The following TMEM97 variants were observed in gnomAD, a reference collection of about 807,000 sequenced individuals.
TMEM97 encodes the protein sigma intracellular receptor 2.
In TMEM97, 13 loss-of-function variants were observed where a neutral mutation model predicts 18.3. The observed-to-expected ratio is 0.71, with a 90% CI of 0.46 to 1.13. The LOEUF is 1.13. TMEM97 is among the 50% of genes most tolerant of loss of function. The pLI, the probability that TMEM97 is intolerant of heterozygous loss-of-function variation, is 0.00. For missense variants in TMEM97, 205 were observed against 210.5 expected (o/e 0.97, Z 0.16); for synonymous variants, 76 against 85.3 (o/e 0.89, Z 0.60).
chr17:28,322,519 C>T (rs1906186390), intron 1 of TMEM97, among the ~76,000 whole-genome samples: 1 of 152,156 alleles, frequency 6.6e-6, no homozygotes, highest in Admixed American at 6.5e-5. Flanking sequence ...GCTGGGATTA[C>T]AGGTGTGAAC....
chr17:28,319,461 C>T, intron 1 of TMEM97, 96 bp downstream of exon 1: 2 of 1,396,414 alleles, frequency 1.4e-6, no homozygotes, highest in Non-Finnish European at 1.9e-6. Context: ...CTCTGGGTTC[C>T]AGTTGCCTCT....
chr17:28,326,482 C>CT, intron 2 of TMEM97, 52 bp from the exon 3 acceptor site: 3 of 1,576,586 alleles, frequency 1.9e-6, no homozygotes, highest in Non-Finnish European at 8.6e-7. Context: ...TCATGGACAC[C>CT]TTTGAGTCAT....
rs1405407605 is a variant in TMEM97 at position 28,326,843 on chromosome 17, G to C, written c.*50G>C. On this transcript the variant is annotated 3_prime_UTR_variant, in exon 3 of 3. Transcript: ENST00000226230. ...AGAGATGCCTACAGGGTGGTTGCTTGTTGGATACAATACAAGGAACACTGC... is the reference window on the plus strand; with the variant it reads ...AGAGATGCCTACAGGGTGGTTGCTTCTTGGATACAATACAAGGAACACTGC... The C allele has an allele frequency of 1.3e-6, 2 of 1,574,822 alleles. No homozygotes were observed. The highest frequency in any genetic ancestry group is 1.8e-5 in the Admixed American group (1 of 54,250).
chr17:28,321,433 T>C (rs1289004641), intron 1 of TMEM97, among the ~76,000 whole-genome samples: 2 of 152,218 alleles, frequency 1.3e-5, no homozygotes, highest in Non-Finnish European at 2.9e-5. Context: ...TTACATTTGA[T>C]AAAATTTTCT....
intron 1 of TMEM97, chr17:28,324,699 G>A (rs543182740): frequency 6.6e-6 from 1 of 152,282 alleles, no homozygotes; most frequent in Admixed American, 6.5e-5. Flanking sequence ...GGTCAGCATG[G>A]ATCCGCATCC....
intron 1 of TMEM97, among the ~76,000 whole-genome samples, chr17:28,321,800 C>CTCTGTG (rs1555574918): frequency 1.5e-5 from 2 of 132,208 alleles, no homozygotes; most frequent in African/African-American, 2.9e-5. Flanking sequence ...TGGCCAGAAC[C>CTCTGTG]TGTGTGTGTG....
chr17:28,320,320 T>TAG (rs1906093857), intron 1 of TMEM97, among the ~76,000 whole-genome samples: 1 of 152,186 alleles, frequency 6.6e-6, no homozygotes, highest in Admixed American at 6.5e-5. Context: ...AAGGAGAATA[T>TAG]AGCTTCCATC....
chr17:28,325,703 T>C lies in TMEM97; in HGVS notation c.271+56T>C, dbSNP rs1043879063. The C allele has an allele frequency of 2.5e-6, 4 of 1,609,120 alleles. No homozygotes were observed. The African/African-American group carries it at 5.4e-5, about 22-fold the overall frequency. On this transcript the variant is annotated intron_variant, in intron 2 of 2. Coordinates refer to ENST00000226230, the MANE Select transcript of TMEM97 (RefSeq NM_014573.3). ...ACTCAGAAATCAGGTCCCAGAAATC[T>C]TTTGGGAAAGTATCTCCAAAGGGAA...
At chr17:28,322,323 C>T (rs1317204163) in intron 1 of TMEM97, among the ~76,000 whole-genome samples, 2 of 151,762 alleles carry the variant, frequency 1.3e-5, no homozygotes, top group Non-Finnish European at 2.9e-5. Context: ...CGGCTCACTG[C>T]AACCTCTGCC....
rs1451770570 is a variant in TMEM97 at position 28,327,224 on chromosome 17, G to A, written c.*431G>A. The A allele has an allele frequency of 5.3e-6, 1 of 188,208 alleles. No individual in the cohort carries two copies. The highest frequency in any genetic ancestry group is 2.4e-5 in the African/African-American group (1 of 42,456). 11.7% of individuals were successfully genotyped at this position (188,208 alleles called of 1,614,324 possible). A position where few individuals can be genotyped will look rare whatever the true frequency, so the allele number is the denominator to read the frequency against. On this transcript the variant is annotated 3_prime_UTR_variant, in exon 3 of 3. Transcript: ENST00000226230. ...AGGCTCAAGTGATCTGCCCACCTCA[G>A]TCTCCCTAAGTGCTGGGATTACAGA...
rs1366618507 is a variant in TMEM97 at position 28,325,489 on chromosome 17, GTT to G, written c.127-11_127-10del. On this transcript the variant is annotated splice_polypyrimidine_tract_variant and intron_variant, in intron 1 of 2. Coordinates refer to ENST00000226230, the MANE Select transcript of TMEM97 (RefSeq NM_014573.3). ...CAAGTGGCTGTAATTCATCATGATC[GTT>G]TTCTTTTTCAGTTTAGAAACCTGCT... 2 of 1,611,882 alleles carry G rather than the reference GTT, an allele frequency of 1.2e-6. No individual in the cohort carries two copies. The highest frequency in any genetic ancestry group is 2.7e-5 in the African/African-American group (2 of 74,694).
rs1234516213 is a variant in TMEM97 at position 28,327,175 on chromosome 17, T to C, written c.*382T>C. On this transcript the variant is annotated 3_prime_UTR_variant, in exon 3 of 3. Coordinates refer to ENST00000226230, the MANE Select transcript of TMEM97 (RefSeq NM_014573.3). The stretch of plus-strand genomic sequence containing the variant: ...GTGTGGAGACAGGGTTTTGCCATGT[T>C]GCCCAGGTTGGTCTCGAACGCCTAG... The C allele has an allele frequency of 2.1e-4, 45 of 212,934 alleles. No individual in the cohort carries two copies. Among genetic ancestry groups the C allele is most frequent in the African/African-American group, 8.9e-4 (39 of 43,650 alleles). 13.2% of individuals were successfully genotyped at this position (212,934 alleles called of 1,614,324 possible). A position where few individuals can be genotyped will look rare whatever the true frequency, so the allele number is the denominator to read the frequency against.
intron 1 of TMEM97, among the ~76,000 whole-genome samples, chr17:28,320,262 A>G (rs1906092065): frequency 6.6e-6 from 1 of 152,178 alleles, no homozygotes; most frequent in African/African-American, 2.4e-5. Context: ...CCTGAGGGTC[A>G]TGAACTCCCA....
intron 2 of TMEM97, 111 bp from the exon 3 acceptor site, chr17:28,326,423 C>A: frequency 7.4e-7 from 1 of 1,356,136 alleles, no homozygotes; most frequent in Non-Finnish European, 1.0e-6. Flanking sequence ...CGAGTTTCCA[C>A]TTGGAGAAGG....
rs1906386294 is a variant in TMEM97, at chr17:28,327,128, A to G, written c.*335A>G. 2 of 236,600 alleles carry G rather than the reference A, an allele frequency of 8.5e-6. No individual in the cohort carries two copies. The highest frequency in any genetic ancestry group is 4.5e-5 in the African/African-American group (2 of 44,652). The allele number at this position is 236,600 out of a possible 1,614,324, so 14.7% of individuals were successfully genotyped here. A position where few individuals can be genotyped will look rare whatever the true frequency, so the allele number is the denominator to read the frequency against. On this transcript the variant is annotated 3_prime_UTR_variant, in exon 3 of 3. Coordinates refer to ENST00000226230, the MANE Select transcript of TMEM97 (RefSeq NM_014573.3). ...AGGTGTGTACCAACACGTATGGCTAATTTGTTTTGTTTTTTTTGTGTGTGT... is the reference window on the plus strand; with the variant it reads ...AGGTGTGTACCAACACGTATGGCTAGTTTGTTTTGTTTTTTTTGTGTGTGT...
chr17:28,328,595 G>T lies in TMEM97; in HGVS notation c.*1802G>T. 2 of 1,131,290 alleles carry T rather than the reference G, an allele frequency of 1.8e-6. No individual in the cohort carries two copies. Among genetic ancestry groups the T allele is most frequent in the Non-Finnish European group, 2.6e-6 (2 of 771,312 alleles). The allele number at this position is 1,131,290 out of a possible 1,614,324, so 70.1% of individuals were successfully genotyped here. A position where few individuals can be genotyped will look rare whatever the true frequency, so the allele number is the denominator to read the frequency against. On this transcript the variant is annotated 3_prime_UTR_variant, in exon 3 of 3. Coordinates refer to ENST00000226230, the MANE Select transcript of TMEM97 (RefSeq NM_014573.3). ...GCTGGAATGCTACAGAGGTTTTTTT[G>T]GTTTTGAGAGGCTTTTTTTTGTTTT... is the stretch of plus-strand genomic sequence containing the variant.
chr17:28,321,800 CTGTGTGTGTGTGTGTGTG>C (rs538038865), intron 1 of TMEM97, among the ~76,000 whole-genome samples: 10 of 132,296 alleles, frequency 7.6e-5, no homozygotes, highest in Middle Eastern at 4.0e-3. Flanking sequence ...TGGCCAGAAC[CTGTGTGTGTGTGTGTGTG>C]TGTGTGTGTG....
At chr17:28,325,411 G>T in intron 1 of TMEM97, 92 bp from the exon 2 acceptor site, 1 of 1,511,064 alleles carries the variant, frequency 6.6e-7, no homozygotes, top group Non-Finnish European at 8.9e-7. Context: ...GCTAATTAAT[G>T]ACAGGCTCCT....
chr17:28,320,553 ATCC>A (rs1906104162), intron 1 of TMEM97, among the ~76,000 whole-genome samples: 4 of 152,216 alleles, frequency 2.6e-5, no homozygotes, highest in Non-Finnish European at 5.9e-5. Flanking sequence ...AGGGCTCTAT[ATCC>A]TCCTCAACTG....
Sources: allele counts gnomAD v4.1 joint callset (sites outside exome capture counted in the v4.1 genomes callset), GRCh38; gene constraint gnomAD v4.1.1; transcripts MANE v1.5; gene names NCBI Gene and HGNC (gene_info 2026-07-23, HGNC 2026-07-21).